KCNMA1: variants seen among roughly 807,000 people sequenced by gnomAD.
KCNMA1 encodes Calcium-activated potassium channel subunit alpha-1.
KCNMA1 carries 29 observed loss-of-function variants against 140.0 expected under a neutral mutation model. The observed-to-expected ratio is 0.21, with a 90% CI of 0.15 to 0.28. KCNMA1 has a LOEUF of 0.28. KCNMA1 is among the 10% of genes least tolerant of loss of function. The probability of loss-of-function intolerance (pLI) is 1.00; values close to 1 mark genes in which losing one functional copy is unlikely to be tolerated. For synonymous variants in KCNMA1, 612 were observed against 611.9 expected, an observed-to-expected ratio of 1.00 and a Z score of 0.00; for missense variants, 880 against 1,602.2, an observed-to-expected ratio of 0.55 and a Z score of 7.70.
chr10:77,077,650 C>T (rs540612623), intron 13 of KCNMA1, among the ~76,000 whole-genome samples: 2 of 152,256 alleles, frequency 1.3e-5, no homozygotes, highest in South Asian at 4.1e-4. Flanking sequence ...TAAATTCAGC[C>T]AAAAATCTAA....
intron 2 of KCNMA1, among the ~76,000 whole-genome samples, chr10:77,398,191 T>C (rs1469273632): frequency 6.6e-6 from 1 of 152,094 alleles, no homozygotes; most frequent in East Asian, 1.9e-4. Flanking sequence ...ATCTTTCTTA[T>C]ATAATGATTT....
At chr10:77,403,779 T>C (rs2096366878) in intron 2 of KCNMA1, 83 bp downstream of exon 2, 2 of 1,396,680 alleles carry the variant, frequency 1.4e-6, no homozygotes, top group Non-Finnish European at 2.0e-6. Flanking sequence ...CAGAAGACCC[T>C]GGGGAATATC....
intron 1 of KCNMA1, among the ~76,000 whole-genome samples, chr10:77,527,445 CA>C (rs1167598184): frequency 2.0e-5 from 3 of 152,206 alleles, no homozygotes; most frequent in Non-Finnish European, 4.4e-5. Flanking sequence ...CAGGCAGTCA[CA>C]GGGGGAGAGG....
chr10:77,285,164 T>A, intron 2 of KCNMA1, among the ~76,000 whole-genome samples: 1 of 152,210 alleles, frequency 6.6e-6, no homozygotes, highest in East Asian at 1.9e-4. Flanking sequence ...AAGAAATAAA[T>A]GCATTCGACT....
At chr10:77,064,274 A>T (rs927619224) in intron 14 of KCNMA1, 9 of 194,996 alleles carry the variant, frequency 4.6e-5, no homozygotes, top group African/African-American at 2.1e-4. Flanking sequence ...AATGAGTTAA[A>T]TGTGTTCCCT....
intron 16 of KCNMA1, among the ~76,000 whole-genome samples, chr10:77,025,240 G>GTATATATATATATATATATA (rs1384161555): frequency 3.5e-4 from 23 of 65,360 alleles, no homozygotes; most frequent in South Asian, 5.7e-4. Context: ...AGGGGTGTGT[G>GTATATATATATATATATATA]TGTATATATA....
intron 5 of KCNMA1, among the ~76,000 whole-genome samples, chr10:77,166,701 T>A (rs56786628): frequency 0.011 from 1,628 of 152,042 alleles, 29 homozygotes; most frequent in African/African-American, 0.037. Flanking sequence ...GGAGGAGTTT[T>A]AACTGAATAC....
intron 2 of KCNMA1, among the ~76,000 whole-genome samples, chr10:77,278,913 G>A (rs577131461): frequency 6.6e-6 from 1 of 152,338 alleles, no homozygotes; most frequent in East Asian, 1.9e-4. Flanking sequence ...AGACATTCCT[G>A]TAAAAGTGGC....
At chr10:77,253,984 C>T (rs902961157) in intron 2 of KCNMA1, among the ~76,000 whole-genome samples, 9 of 152,242 alleles carry the variant, frequency 5.9e-5, no homozygotes, top group South Asian at 4.2e-4. Context: ...CTTCTCTAGG[C>T]CCCTAGCAAA....
intron 1 of KCNMA1, among the ~76,000 whole-genome samples, chr10:77,430,023 C>T (rs2097118991): frequency 6.6e-6 from 1 of 152,232 alleles, no homozygotes; most frequent in South Asian, 2.1e-4. Context: ...CATCCTCTCA[C>T]AGCCATGTCA....
At chr10:77,437,856 G>C (rs11002165) in intron 1 of KCNMA1, among the ~76,000 whole-genome samples, 2,109 of 152,174 alleles carry the variant, frequency 0.014, 39 homozygotes, top group African/African-American at 0.041. Flanking sequence ...GGCTGCATGC[G>C]ATCAGGAGTG....
At chr10:77,279,559 C>T (rs1206366789) in intron 2 of KCNMA1, among the ~76,000 whole-genome samples, 2 of 152,122 alleles carry the variant, frequency 1.3e-5, no homozygotes, top group Non-Finnish European at 2.9e-5. Flanking sequence ...AATGCCAAGC[C>T]CAAACGTCAC....
intron 1 of KCNMA1, among the ~76,000 whole-genome samples, chr10:77,410,377 C>G (rs1566663260): frequency 6.6e-6 from 1 of 152,144 alleles, no homozygotes; most frequent in Non-Finnish European, 1.5e-5. Flanking sequence ...CTGCCTCAGG[C>G]ATGAGAAGCT....
chr10:76,900,116 T>C (rs185493809), intron 25 of KCNMA1, among the ~76,000 whole-genome samples: 19 of 152,224 alleles, frequency 1.2e-4, no homozygotes, highest in South Asian at 2.1e-4. Context: ...TCAATTATCA[T>C]ATGTTTATAA....
chr10:77,398,646 A>T (rs937331742), intron 2 of KCNMA1, among the ~76,000 whole-genome samples: 3 of 152,222 alleles, frequency 2.0e-5, no homozygotes, highest in African/African-American at 7.2e-5. Context: ...CATTCTATAA[A>T]GAAAGTTTAC....
At chr10:76,882,143 G>A (rs1476234064), downstream of KCNMA1, among the ~76,000 whole-genome samples, 1 of 152,160 alleles carries the variant, frequency 6.6e-6, no homozygotes, top group Non-Finnish European at 1.5e-5. Context: ...GAAACAGGCT[G>A]CACTGTGATA....
chr10:76,986,094 A>AGGG (rs2153274729), intron 19 of KCNMA1, among the ~76,000 whole-genome samples: 1 of 152,294 alleles, frequency 6.6e-6, no homozygotes, highest in East Asian at 1.9e-4. Flanking sequence ...ATAACATAGC[A>AGGG]GGGGATGTGA....
At position 77,524,119 on chromosome 10, in the gene KCNMA1, T is replaced by A. The variant is rs533738393; in HGVS notation, c.378+113146A>T. Among the ~76,000 whole-genome samples the A allele has an allele frequency of 1.4e-4, 22 of 152,336 alleles. No individual in the cohort carries two copies. The South Asian group carries it at 2.7e-3, about 19-fold the overall frequency. On this transcript the variant is annotated intron_variant, in intron 1 of 27. Coordinates refer to ENST00000286628, the MANE Select transcript of KCNMA1 (RefSeq NM_001161352.2). ...GTTTTAAATAATTTAAAAGCTTTTT[T>A]AAAATAAATGACTAAACAATATTTC...
At chr10:76,888,664 G>C (rs1281879007) in intron 27 of KCNMA1, among the ~76,000 whole-genome samples, 2 of 152,186 alleles carry the variant, frequency 1.3e-5, no homozygotes, top group South Asian at 2.1e-4. Context: ...TCTGCTTAAG[G>C]TGATAATATA....
Sources: allele counts gnomAD v4.1 joint callset (sites outside exome capture counted in the v4.1 genomes callset), GRCh38; gene constraint gnomAD v4.1.1; transcripts MANE v1.5; gene names NCBI Gene and HGNC (gene_info 2026-07-23, HGNC 2026-07-21).